The following SPG11 variants were observed in gnomAD, a reference collection of about 807,000 sequenced individuals.
The protein encoded by SPG11 is SPG11 vesicle trafficking associated, spatacsin.
In SPG11, 222 loss-of-function variants were observed where a neutral mutation model predicts 274.0. The ratio of observed to expected loss-of-function variants is 0.81; its 90% CI spans 0.73 to 0.91. The LOEUF is 0.91. Ranked by LOEUF, SPG11 falls within the 40% of genes least tolerant of loss-of-function variation. SPG11 has a pLI of 0.00. For missense variants in SPG11, 3,114 were observed against 2,872.7 expected, an observed-to-expected ratio of 1.08 and a Z score of -1.92; for synonymous variants, 1,144 against 1,039.7, an observed-to-expected ratio of 1.10 and a Z score of -1.93.
At chr15:44,567,067 G>A (rs8034104) in intron 36 of SPG11, among the ~76,000 whole-genome samples, 7 of 151,918 alleles carry the variant, frequency 4.6e-5, no homozygotes, top group South Asian at 2.1e-4. Flanking sequence ...GAATTTTATC[G>A]AGGGCCGGGC....
At chr15:44,628,445 T>C (rs1595897733) in intron 10 of SPG11, among the ~76,000 whole-genome samples, 2 of 152,206 alleles carry the variant, frequency 1.3e-5, no homozygotes, top group African/African-American at 4.8e-5. Flanking sequence ...AGTGGGCAGA[T>C]CTAGCATTAA....
At chr15:44,654,924 G>T (rs1034830564) in intron 4 of SPG11, among the ~76,000 whole-genome samples, 3 of 152,158 alleles carry the variant, frequency 2.0e-5, no homozygotes, top group Non-Finnish European at 2.9e-5. Flanking sequence ...CGAAGCCAAA[G>T]AAAATGTAAA....
chr15:44,568,515 A>G (rs1201808060), intron 35 of SPG11, among the ~76,000 whole-genome samples: 1 of 152,230 alleles, frequency 6.6e-6, no homozygotes, highest in African/African-American at 2.4e-5. Flanking sequence ...TGTTCTGGAA[A>G]CAGGTACTGT....
At chr15:44,573,092 T>C (rs1321081726) in intron 32 of SPG11, among the ~76,000 whole-genome samples, 1 of 149,408 alleles carries the variant, frequency 6.7e-6, no homozygotes, top group Admixed American at 6.8e-5. Flanking sequence ...GTTCAAACGA[T>C]TCTCCTGCCT....
chr15:44,651,046 C>G (rs1322420368), intron 6 of SPG11, among the ~76,000 whole-genome samples: 1 of 152,198 alleles, frequency 6.6e-6, no homozygotes, highest in Admixed American at 6.5e-5. Flanking sequence ...CCGCACCCGG[C>G]AGATCTTATA....
Position 44,567,482 on chromosome 15 carries a change from G to A in SPG11, c.6696C>T (p.Gly2232=), listed in dbSNP as rs758000490. ...TGCGGGCAGCTGCCTCGTGGTTCTC[G>A]CCAATCTCCCGGCACATGCTGAAGC... ...ALCFSMCREI[G]ENHEAAARIQ... is the part of the protein sequence containing the mutation. Residue 2232 remains glycine (G), a synonymous_variant, in exon 36 of 40, where the codon GGC becomes GGT. Transcript: ENST00000261866. The A allele has an allele frequency of 1.8e-5, 29 of 1,613,832 alleles. No homozygotes were observed. Among genetic ancestry groups the A allele is most frequent in the Non-Finnish European group, 2.2e-5 (26 of 1,179,994 alleles).
At chr15:44,651,072 C>A (rs2084760504) in intron 6 of SPG11, among the ~76,000 whole-genome samples, 1 of 152,070 alleles carries the variant, frequency 6.6e-6, no homozygotes, top group Non-Finnish European at 1.5e-5. Context: ...TCAGTAACAG[C>A]TGGAAATTAG....
At chr15:44,638,736 C>A (rs2084355253) in intron 7 of SPG11, among the ~76,000 whole-genome samples, 1 of 152,180 alleles carries the variant, frequency 6.6e-6, no homozygotes, top group African/African-American at 2.4e-5. Context: ...TGGCACACGC[C>A]TGTAATCCCG....
chr15:44,633,260 G>GGT (rs2084124566), intron 8 of SPG11, among the ~76,000 whole-genome samples: 1 of 141,606 alleles, frequency 7.1e-6, no homozygotes, highest in Non-Finnish European at 1.5e-5. Flanking sequence ...GAGTCCAGGA[G>GGT]GTGAGGCTGC....
intron 11 of SPG11, among the ~76,000 whole-genome samples, chr15:44,623,643 A>C (rs958845403): frequency 6.6e-6 from 1 of 152,204 alleles, no homozygotes; most frequent in Non-Finnish European, 1.5e-5. Context: ...ACAATACAGA[A>C]TGTCCTCCAA....
At position 44,657,625 on chromosome 15, in the gene SPG11, A is replaced by G. The variant is rs149409098; in HGVS notation, c.668-329T>C. ...TAACCCAATACTGTCTATCCAAAGT[A>G]TTATCAACATGCAGTCAGTATAAAA... On this transcript the variant is annotated intron_variant, in intron 3 of 39. Coordinates refer to ENST00000261866, the MANE Select transcript of SPG11 (RefSeq NM_025137.4). 1.4e-4 allele frequency among the ~76,000 whole-genome samples: 22 copies of G among 152,342 alleles called. No individual in the cohort carries two copies. The East Asian group carries it at 4.2e-3, about 29-fold the overall frequency.
At chr15:44,569,031 G>A (rs1447470830) in intron 35 of SPG11, among the ~76,000 whole-genome samples, 6 of 151,832 alleles carry the variant, frequency 4.0e-5, no homozygotes, top group South Asian at 2.1e-4. Context: ...TTAGCCGGGC[G>A]TGGTGGTGCA....
intron 30 of SPG11, among the ~76,000 whole-genome samples, chr15:44,579,491 CACTCTAGCATGGGCGATAGAGTG>C (rs1261855917): frequency 3.2e-4 from 44 of 137,212 alleles, no homozygotes; most frequent in Non-Finnish European, 3.6e-4. Context: ...CACACCACTG[CACTCTAGCATGGGCGATAGAGTG>C]AGACTCCGTC....
chr15:44,614,831 C>G, intron 16 of SPG11, among the ~76,000 whole-genome samples: 1 of 152,218 alleles, frequency 6.6e-6, no homozygotes, highest in East Asian at 1.9e-4. Context: ...ATTGTTATTA[C>G]TGACCCAATA....
chr15:44,654,629 C>T (rs1316255398), intron 4 of SPG11, among the ~76,000 whole-genome samples: 1 of 152,122 alleles, frequency 6.6e-6, no homozygotes, highest in Non-Finnish European at 1.5e-5. Context: ...CATCTGAGGT[C>T]ATAAGTTCAA....
chr15:44,601,872 G>A (rs905220512), intron 20 of SPG11, among the ~76,000 whole-genome samples: 1 of 152,108 alleles, frequency 6.6e-6, no homozygotes, highest in African/African-American at 2.4e-5. Flanking sequence ...GCCAGCCACC[G>A]CGCCCAGCCC....
At chr15:44,595,204 GA>G in intron 26 of SPG11, 54 bp downstream of exon 26, 1 of 1,527,464 alleles carries the variant, frequency 6.5e-7, no homozygotes, top group Non-Finnish European at 9.1e-7. Context: ...GCCAAGAAGG[GA>G]TATGCTGAAG....
At chr15:44,604,919 A>G (rs1208060848) in intron 20 of SPG11, among the ~76,000 whole-genome samples, 1 of 138,150 alleles carries the variant, frequency 7.2e-6, no homozygotes, top group Non-Finnish European at 1.5e-5. Flanking sequence ...GGGCGGAACA[A>G]GACTCCATCT....
intron 20 of SPG11, among the ~76,000 whole-genome samples, chr15:44,601,024 T>C (rs1483330228): frequency 4.6e-5 from 7 of 152,104 alleles, no homozygotes; most frequent in Non-Finnish European, 1.0e-4. Flanking sequence ...TGGCGGTGCA[T>C]GCCTGTAATC....
Sources: allele counts gnomAD v4.1 joint callset (sites outside exome capture counted in the v4.1 genomes callset), GRCh38; gene constraint gnomAD v4.1.1; transcripts MANE v1.5; gene names NCBI Gene and HGNC (gene_info 2026-07-23, HGNC 2026-07-21).